The following ZNF83 variants were observed in gnomAD, a reference collection of about 807,000 sequenced individuals.
ZNF83 encodes zinc finger protein 83, also known as zinc finger protein 816B.
For missense variants in ZNF83, 552 were observed against 629.9 expected, an observed-to-expected ratio of 0.88 and a Z score of 1.32; for synonymous variants, 209 against 213.0, an observed-to-expected ratio of 0.98 and a Z score of 0.17.
chr19:52,677,745 A>G (rs985981627), intron 1 of ZNF83, among the ~76,000 whole-genome samples: 8 of 152,070 alleles, frequency 5.3e-5, no homozygotes, highest in Admixed American at 1.3e-4. Context: ...TTGTGAAAAA[A>G]GAGCCAGGCC....
chr19:52,659,383 G>A (rs538428982), intron 2 of ZNF83, among the ~76,000 whole-genome samples: 1 of 152,254 alleles, frequency 6.6e-6, no homozygotes, highest in African/African-American at 2.4e-5. Context: ...GTCAAGCTAA[G>A]GTTTCATCAC....
upstream of ZNF83, among the ~76,000 whole-genome samples, chr19:52,640,211 T>C (rs1328132607): frequency 1.3e-5 from 2 of 152,154 alleles, no homozygotes; most frequent in African/African-American, 4.8e-5. Context: ...TAATAAAATT[T>C]AGAATGTAAG....
intron 1 of ZNF83, among the ~76,000 whole-genome samples, chr19:52,676,473 C>T (rs543365451): frequency 2.0e-5 from 3 of 151,814 alleles, no homozygotes; most frequent in East Asian, 2.0e-4. Context: ...TGCCCCGGCC[C>T]GGCTAGCCTC....
intron 2 of ZNF83, among the ~76,000 whole-genome samples, chr19:52,624,577 C>T (rs2060666204): frequency 1.3e-5 from 2 of 152,208 alleles, no homozygotes; most frequent in South Asian, 4.1e-4. Flanking sequence ...GAAGACAGCT[C>T]TGGAGACTGC....
At chr19:52,652,127 C>T (rs995352859) in intron 3 of ZNF83, 49 of 230,904 alleles carry the variant, frequency 2.1e-4, no homozygotes, top group African/African-American at 9.5e-4. Flanking sequence ...ATGTCTAATG[C>T]GGTGTGAATG....
intron 1 of ZNF83, among the ~76,000 whole-genome samples, chr19:52,664,351 C>T (rs914410874): frequency 1.6e-4 from 24 of 152,060 alleles, no homozygotes; most frequent in African/African-American, 5.8e-4. Context: ...CAAAAATTTG[C>T]CCTATGCGGT....
intron 2 of ZNF83, among the ~76,000 whole-genome samples, chr19:52,633,561 G>A (rs536080663): frequency 1.8e-4 from 27 of 152,322 alleles, no homozygotes; most frequent in Admixed American, 5.2e-4. Context: ...GAAAGGAGAC[G>A]CTTTATGGCC....
At position 52,680,330 on chromosome 19, in the gene ZNF83, C is replaced by G. The variant is rs116356202; in HGVS notation, c.-283+10113G>C. Among the ~76,000 whole-genome samples, 437 of 152,288 alleles carry G rather than the reference C, an allele frequency of 2.9e-3. 3 individuals are homozygous for G. Among genetic ancestry groups the G allele is most frequent in the African/African-American group, 1.0e-2 (415 of 41,562 alleles). The stretch of plus-strand genomic sequence containing the variant: ...CTAGGTACCTGTAGCTCTCCCACAT[C>G]ACTTCCCTGTATAAAGCCCTCTGCG... On this transcript the variant is annotated intron_variant, in intron 1 of 5. Transcript: ENST00000594682.
At chr19:52,644,613 C>T (rs1225049421) in intron 3 of ZNF83, among the ~76,000 whole-genome samples, 2 of 152,120 alleles carry the variant, frequency 1.3e-5, no homozygotes, top group Non-Finnish European at 2.9e-5. Flanking sequence ...AAGAAAATCA[C>T]AGTAACATTT....
chr19:52,626,472 C>CAAATCATTACACAGGACCCA (rs1358127987), intron 2 of ZNF83, among the ~76,000 whole-genome samples: 2 of 152,174 alleles, frequency 1.3e-5, no homozygotes, highest in Non-Finnish European at 2.9e-5. Context: ...GCCAACCAGG[C>CAAATCATTACACAGGACCCA]AAATCATTAC....
At chr19:52,663,565 C>T (rs1377530365) in intron 1 of ZNF83, among the ~76,000 whole-genome samples, 1 of 152,148 alleles carries the variant, frequency 6.6e-6, no homozygotes, top group African/African-American at 2.4e-5. Context: ...TAATAGGCTA[C>T]TTGAACTAAA....
chr19:52,639,780 T>A (rs967809111), upstream of ZNF83, among the ~76,000 whole-genome samples: 3 of 151,920 alleles, frequency 2.0e-5, no homozygotes, highest in Non-Finnish European at 4.4e-5. Context: ...ACAAAAAAAA[T>A]CTTCCCCCCA....
chr19:52,619,101 G>A (rs752522417), intron 2 of ZNF83: 3 of 1,606,652 alleles, frequency 1.9e-6, no homozygotes, highest in African/African-American at 2.8e-5. Context: ...GGTTATGGGA[G>A]GAGTTCTTAT....
At chr19:52,678,032 C>G (rs1424381738) in intron 1 of ZNF83, among the ~76,000 whole-genome samples, 1 of 151,160 alleles carries the variant, frequency 6.6e-6, no homozygotes, top group Non-Finnish European at 1.5e-5. Flanking sequence ...GAGACTGTCT[C>G]AAAAAACAAA....
intron 1 of ZNF83, chr19:52,636,908 TCA>T (rs2061166570): frequency 6.6e-6 from 1 of 151,142 alleles, no homozygotes; most frequent in African/African-American, 2.4e-5. Context: ...TCTTCTTGCC[TCA>T]GTCTCCTAAA....
intron 2 of ZNF83, among the ~76,000 whole-genome samples, chr19:52,621,682 T>G (rs1392206954): frequency 6.6e-6 from 1 of 152,210 alleles, no homozygotes; most frequent in Non-Finnish European, 1.5e-5. Flanking sequence ...CCCCTTAGCC[T>G]GTGTTCTTAA....
intron 3 of ZNF83, chr19:52,653,264 A>G (rs952328103): frequency 2.0e-6 from 3 of 1,486,866 alleles, no homozygotes; most frequent in Non-Finnish European, 2.8e-6. Flanking sequence ...CTATAATGAC[A>G]TGCAAGGTGT....
upstream of ZNF83, among the ~76,000 whole-genome samples, chr19:52,643,327 G>A (rs1055174559): frequency 6.7e-6 from 1 of 149,680 alleles, no homozygotes; most frequent in African/African-American, 2.5e-5. Flanking sequence ...GCACTCACAG[G>A]CTGGACCACA....
At chr19:52,613,346 C>T (rs1169656465) in exon 3 of ZNF83, 1 of 1,613,994 alleles carries the variant, frequency 6.2e-7, no homozygotes, top group Admixed American at 1.7e-5. Context: ...AAGACTTTGC[C>T]ACATTCATCA....
Sources: gnomAD v4.1 joint callset for allele counts (sites outside exome capture counted in the v4.1 genomes callset) on GRCh38, gnomAD v4.1.1 for gene constraint, MANE v1.5 for transcripts, NCBI Gene and HGNC (gene_info 2026-07-23, HGNC 2026-07-21) for gene names.